The following PTPRD variants were observed in gnomAD, a reference collection of about 807,000 sequenced individuals.
PTPRD encodes receptor-type tyrosine-protein phosphatase delta.
PTPRD carries 34 observed loss-of-function variants against 214.5 expected under a neutral mutation model. That is an observed-to-expected ratio of 0.16 (90% CI 0.12 to 0.21). The LOEUF is 0.21. Among genes scored for constraint, PTPRD ranks in the 10% least tolerant of loss-of-function variants. The probability of loss-of-function intolerance (pLI) is 1.00; values close to 1 mark genes in which losing one functional copy is unlikely to be tolerated. For missense variants in PTPRD, 2,545 were observed against 2,398.7 expected (o/e 1.06, Z -1.27); for synonymous variants, 1,128 against 845.7 (o/e 1.33, Z -5.79).
chr9:9,892,975 G>A (rs10978064), intron 5 of PTPRD, among the ~76,000 whole-genome samples: 9,173 of 152,130 alleles, frequency 0.06, 818 homozygotes, highest in African/African-American at 0.2. Flanking sequence ...AAATAGGACA[G>A]TGGTGTTAGA....
chr9:9,031,753 C>G (rs1238154997), intron 10 of PTPRD, among the ~76,000 whole-genome samples: 1 of 151,846 alleles, frequency 6.6e-6, no homozygotes, highest in African/African-American at 2.4e-5. Flanking sequence ...AGACACCTGA[C>G]AAAAGTACTC....
At chr9:8,979,953 A>T (rs2099300187) in intron 11 of PTPRD, among the ~76,000 whole-genome samples, 1 of 152,100 alleles carries the variant, frequency 6.6e-6, no homozygotes, top group Non-Finnish European at 1.5e-5. Context: ...CAAAGTATGG[A>T]AACAACGTAA....
intron 5 of PTPRD, among the ~76,000 whole-genome samples, chr9:9,837,831 A>G (rs1015637656): frequency 2.0e-5 from 3 of 152,110 alleles, no homozygotes; most frequent in African/African-American, 4.8e-5. Context: ...GGTTAGTTAC[A>G]TATGTATACA....
At chr9:9,862,071 A>T (rs2062897041) in intron 5 of PTPRD, among the ~76,000 whole-genome samples, 1 of 152,204 alleles carries the variant, frequency 6.6e-6, no homozygotes, top group Non-Finnish European at 1.5e-5. Context: ...ATTATGTGCT[A>T]AATGCTACAT....
chr9:8,712,340 A>G (rs1052913841), intron 12 of PTPRD, among the ~76,000 whole-genome samples: 13 of 152,202 alleles, frequency 8.5e-5, no homozygotes, highest in African/African-American at 3.1e-4. Context: ...TATTTAGCTT[A>G]CTGTTTATCA....
At chr9:8,714,346 C>T (rs1015591970) in intron 12 of PTPRD, among the ~76,000 whole-genome samples, 2 of 151,958 alleles carry the variant, frequency 1.3e-5, no homozygotes, top group African/African-American at 4.8e-5. Flanking sequence ...TATATCACGG[C>T]CTCCTTTATT....
chr9:10,148,965 G>C (rs2099042630), intron 3 of PTPRD, among the ~76,000 whole-genome samples: 1 of 152,124 alleles, frequency 6.6e-6, no homozygotes, highest in Non-Finnish European at 1.5e-5. Flanking sequence ...TGATATGTGA[G>C]AACAGAAATG....
chr9:10,028,849 G>A (rs181184350), intron 4 of PTPRD, among the ~76,000 whole-genome samples: 24 of 152,308 alleles, frequency 1.6e-4, no homozygotes, highest in Admixed American at 1.4e-3. Flanking sequence ...CATAAGTAAT[G>A]AGGATTCAAA....
chr9:8,318,038 C>T, intron 45 of PTPRD, 96 bp from the exon 46 acceptor site: 1 of 1,207,460 alleles, frequency 8.3e-7, no homozygotes, highest in Non-Finnish European at 1.2e-6. Flanking sequence ...AAAATAACAT[C>T]TATATAGGGG....
chr9:9,865,978 C>G (rs567961166), intron 5 of PTPRD, among the ~76,000 whole-genome samples: 2 of 152,280 alleles, frequency 1.3e-5, no homozygotes, highest in East Asian at 1.9e-4. Flanking sequence ...GGAAGAGTCC[C>G]AGACACTGCT....
At chr9:8,447,581 C>G (rs966057569) in intron 34 of PTPRD, among the ~76,000 whole-genome samples, 3 of 152,192 alleles carry the variant, frequency 2.0e-5, no homozygotes. Context: ...CATTCCTATT[C>G]TCTTACCTGC....
chr9:9,121,694 G>T (rs1044395980), intron 10 of PTPRD, among the ~76,000 whole-genome samples: 1 of 152,066 alleles, frequency 6.6e-6, no homozygotes. Flanking sequence ...GGGGGCGAGG[G>T]ATAAAAGACA....
intron 10 of PTPRD, among the ~76,000 whole-genome samples, chr9:9,031,056 T>C (rs774235926): frequency 3.0e-4 from 45 of 151,726 alleles, no homozygotes; most frequent in Non-Finnish European, 4.7e-4. Context: ...GACGTGGAAA[T>C]AGGGGGAATG....
chr9:9,137,909 T>C (rs1474286050), intron 10 of PTPRD, among the ~76,000 whole-genome samples: 1 of 152,174 alleles, frequency 6.6e-6, no homozygotes, highest in Non-Finnish European at 1.5e-5. Flanking sequence ...ATTGTTTTCA[T>C]TATATAATAT....
At chr9:8,517,820 C>A (rs767581831) in intron 21 of PTPRD, 28 bp downstream of exon 21, 1 of 1,582,890 alleles carries the variant, frequency 6.3e-7, no homozygotes, top group South Asian at 1.1e-5. Context: ...TTCCCTCCTG[C>A]CCTATTTCCC....
At chr9:9,340,084 G>C (rs1325052595) in intron 9 of PTPRD, among the ~76,000 whole-genome samples, 2 of 152,058 alleles carry the variant, frequency 1.3e-5, no homozygotes, top group Non-Finnish European at 2.9e-5. Flanking sequence ...GGCACTCTAG[G>C]AAAGAGTGAA....
intron 9 of PTPRD, among the ~76,000 whole-genome samples, chr9:9,244,968 T>C (rs984666540): frequency 1.3e-5 from 2 of 151,960 alleles, no homozygotes; most frequent in African/African-American, 4.8e-5. Context: ...CATCAAAAAG[T>C]GAGTGAAGGA....
rs574815339 is a variant in PTPRD, at chr9:9,240,054, T to A, written c.-202-56691A>T. On this transcript the variant is annotated intron_variant, in intron 9 of 45. Coordinates refer to ENST00000381196, the MANE Select transcript of PTPRD (RefSeq NM_002839.4). ...AGAAAAACATAGATTATGCTTAGCC[T>A]GTTTTCATGACCCATTCAAGCACAA... 4.6e-5 allele frequency among the ~76,000 whole-genome samples: 7 copies of A among 152,302 alleles called. No homozygotes were observed. The South Asian group carries it at 1.2e-3, about 27-fold the overall frequency.
intron 3 of PTPRD, among the ~76,000 whole-genome samples, chr9:10,309,343 T>C (rs530719213): frequency 1.3e-5 from 2 of 152,158 alleles, no homozygotes; most frequent in East Asian, 3.9e-4. Flanking sequence ...TCCTTTTGTT[T>C]TTTTGTTTTG....
Sources: allele counts gnomAD v4.1 joint callset (sites outside exome capture counted in the v4.1 genomes callset), GRCh38; gene constraint gnomAD v4.1.1; transcripts MANE v1.5; gene names NCBI Gene and HGNC (gene_info 2026-07-23, HGNC 2026-07-21).